The following PLD1 variants were observed in gnomAD, a reference collection of about 807,000 sequenced individuals.
PLD1 encodes the protein choline phosphatase 1.
PLD1 carries 112 observed loss-of-function variants against 137.1 expected under a neutral mutation model. That is an observed-to-expected ratio of 0.82 (90% CI 0.70 to 0.96). The LOEUF (loss-of-function observed/expected upper bound fraction) is 0.96. Among genes scored for constraint, PLD1 ranks in the 40% least tolerant of loss-of-function variants. PLD1 has a pLI of 0.00. For synonymous variants in PLD1, 431 were observed against 454.7 expected (o/e 0.95, Z 0.66); for missense variants, 1,321 against 1,342.0 (o/e 0.98, Z 0.24).
intron 1 of PLD1, chr3:171,765,007 A>G (rs141098073): frequency 1.4e-3 from 215 of 148,462 alleles, no homozygotes; most frequent in African/African-American, 5.3e-3. Context: ...AGAAAGAAAG[A>G]GAAAAAGAAA....
chr3:171,717,089 G>A (rs1325560720), intron 8 of PLD1, among the ~76,000 whole-genome samples: 1 of 152,108 alleles, frequency 6.6e-6, no homozygotes, highest in South Asian at 2.1e-4. Context: ...TACCAGTACT[G>A]TACTGTATTG....
intron 1 of PLD1, among the ~76,000 whole-genome samples, chr3:171,802,216 TC>T (rs1723677560): frequency 2.0e-5 from 3 of 152,172 alleles, no homozygotes; most frequent in Admixed American, 1.3e-4. Flanking sequence ...GTCAGGAAAG[TC>T]CCTACTCTCA....
chr3:171,700,184 T>G (rs1716120874), intron 11 of PLD1, among the ~76,000 whole-genome samples: 1 of 151,806 alleles, frequency 6.6e-6, no homozygotes, highest in African/African-American at 2.4e-5. Flanking sequence ...AGACTGAATA[T>G]TCTAGATACT....
chr3:171,802,730 C>T (rs1028106600), intron 1 of PLD1, among the ~76,000 whole-genome samples: 1 of 152,186 alleles, frequency 6.6e-6, no homozygotes, highest in African/African-American at 2.4e-5. Context: ...AGTTAGAAAC[C>T]CAGGCTCCAA....
rs757094096 is a variant in PLD1, at chr3:171,733,462, A to G, written c.588T>C (p.Tyr196=). 4 of 1,339,850 alleles carry G rather than the reference A, an allele frequency of 3.0e-6. No individual in the cohort carries two copies. Among genetic ancestry groups the G allele is most frequent in the Non-Finnish European group, 4.3e-6 (4 of 934,878 alleles). The allele number at this position is 1,339,850 out of a possible 1,614,324, so 83.0% of individuals were successfully genotyped here. ...TACTTACTGTGGCATGATAGTTTCTATACATGGGCATTTTTAGTATCTTTG... is the reference window on the plus strand; with the variant it reads ...TACTTACTGTGGCATGATAGTTTCTGTACATGGGCATTTTTAGTATCTTTG... ...YLTKILKMPM[Y]RNYHATTEFL... The change falls in exon 6 of 27, where the codon TAT becomes TAC. Residue 196 remains tyrosine (Y), a synonymous_variant. Coordinates refer to ENST00000351298, the MANE Select transcript of PLD1 (RefSeq NM_002662.5).
chr3:171,703,195 T>C (rs1020635132), intron 11 of PLD1, among the ~76,000 whole-genome samples: 22 of 152,190 alleles, frequency 1.4e-4, no homozygotes, highest in African/African-American at 4.1e-4. Flanking sequence ...AAAACTTCCG[T>C]AGTGTAATAA....
chr3:171,730,917 G>C (rs902497845), intron 6 of PLD1, among the ~76,000 whole-genome samples: 6 of 152,216 alleles, frequency 3.9e-5, no homozygotes, highest in Non-Finnish European at 8.8e-5. Context: ...GGGATTGCAG[G>C]CATGAGCCAC....
intron 9 of PLD1, among the ~76,000 whole-genome samples, chr3:171,711,829 A>AAAAAAAAAAAC (rs1717262232): frequency 6.6e-6 from 1 of 151,978 alleles, no homozygotes; most frequent in African/African-American, 2.4e-5. Context: ...AAAAAAAAAA[A>AAAAAAAAAAAC]AAAAAAAAAA....
At chr3:171,689,724 A>C (rs1326120532) in intron 13 of PLD1, among the ~76,000 whole-genome samples, 1 of 151,798 alleles carries the variant, frequency 6.6e-6, no homozygotes, top group Non-Finnish European at 1.5e-5. Context: ...CTGGTTTTGA[A>C]CTCCTGGCTT....
rs1376188648 is a variant in PLD1, at chr3:171,725,916, C to T, written c.665+102G>A. On this transcript the variant is annotated intron_variant, in intron 7 of 26. Transcript: ENST00000351298. ...AACTACTGGGGAGAAGAGAAGCTAGCAGTAAAGCCAGGAGGACTCCATCAC... is the reference window on the plus strand; with the variant it reads ...AACTACTGGGGAGAAGAGAAGCTAGTAGTAAAGCCAGGAGGACTCCATCAC... The T allele has an allele frequency of 1.0e-5, 8 of 775,552 alleles. No individual in the cohort carries two copies. In the Admixed American group the frequency reaches 1.5e-4, roughly 15 times the overall value. The allele number at this position is 775,552 out of a possible 1,614,324, so 48.0% of individuals were successfully genotyped here.
At chr3:171,625,739 CAG>C (rs1243377588) in intron 23 of PLD1, among the ~76,000 whole-genome samples, 1 of 152,216 alleles carries the variant, frequency 6.6e-6, no homozygotes, top group African/African-American at 2.4e-5. Flanking sequence ...CCCAGGCAAA[CAG>C]GGTCTGGAGT....
intron 16 of PLD1, among the ~76,000 whole-genome samples, chr3:171,678,226 T>C (rs1186666751): frequency 1.3e-5 from 2 of 152,230 alleles, no homozygotes; most frequent in Non-Finnish European, 2.9e-5. Context: ...AGATAGCCCA[T>C]GTTCCAGCCC....
rs147672172 is a variant in PLD1, at chr3:171,797,391, A to G, written c.-32+13008T>C. ...ATTAGATCAGTGACTCTCAAATTGT[A>G]GTCCCCAAACCAGCAGCATCAGCAT... On this transcript the variant is annotated intron_variant, in intron 1 of 26. Transcript: ENST00000351298. 6.1e-3 allele frequency among the ~76,000 whole-genome samples: 931 copies of G among 152,308 alleles called. 12 individuals carry two copies. Among genetic ancestry groups the G allele is most frequent in the African/African-American group, 0.022 (898 of 41,570 alleles).
chr3:171,653,376 A>G (rs937741607), intron 21 of PLD1: 13 of 152,256 alleles, frequency 8.5e-5, no homozygotes, highest in African/African-American at 3.1e-4. Flanking sequence ...ATGCTTCAGA[A>G]TACATTTTGT....
intron 1 of PLD1, among the ~76,000 whole-genome samples, chr3:171,750,735 C>G (rs1720595207): frequency 6.6e-6 from 1 of 152,148 alleles, no homozygotes; most frequent in Non-Finnish European, 1.5e-5. Flanking sequence ...AAGATTGAAA[C>G]AACATCCTAA....
intron 6 of PLD1, among the ~76,000 whole-genome samples, chr3:171,726,863 G>A (rs7631356): frequency 0.36 from 54,905 of 151,974 alleles, 11,036 homozygotes; most frequent in African/African-American, 0.52. Flanking sequence ...TACAGAAGAC[G>A]AAACTGAGGT....
intron 26 of PLD1, among the ~76,000 whole-genome samples, chr3:171,604,826 C>T (rs1732082464): frequency 6.6e-6 from 1 of 152,220 alleles, no homozygotes; most frequent in African/African-American, 2.4e-5. Context: ...ATTCACTAGA[C>T]TATTCTTTGT....
intron 1 of PLD1, among the ~76,000 whole-genome samples, chr3:171,774,094 G>A (rs1722507536): frequency 6.6e-6 from 1 of 151,982 alleles, no homozygotes. Flanking sequence ...CCAAAGGCTA[G>A]TAAGTACACT....
At chr3:171,764,875 GAAA>G (rs753602129) in intron 1 of PLD1, among the ~76,000 whole-genome samples, 472 of 30,220 alleles carry the variant, frequency 0.016, 31 homozygotes, top group Middle Eastern at 0.026. Flanking sequence ...AAGAAAGAAA[GAAA>G]GAAAGAAAGA....
Sources: allele counts gnomAD v4.1 joint callset (sites outside exome capture counted in the v4.1 genomes callset), GRCh38; gene constraint gnomAD v4.1.1; transcripts MANE v1.5; gene names NCBI Gene and HGNC (gene_info 2026-07-23, HGNC 2026-07-21).